The following LUZP2 variants were observed in gnomAD, a reference collection of about 807,000 sequenced individuals.
The protein encoded by LUZP2 is leucine zipper protein 2.
In LUZP2, 52 loss-of-function variants were observed where a neutral mutation model predicts 51.6. That is an observed-to-expected ratio of 1.01 (90% confidence interval 0.81 to 1.27). The LOEUF (loss-of-function observed/expected upper bound fraction) is 1.27. Ranked by LOEUF, LUZP2 falls within the 50% of genes most tolerant of loss-of-function variation. The pLI, the probability that LUZP2 is intolerant of heterozygous loss-of-function variation, is 0.00. For missense variants in LUZP2, 436 were observed against 395.4 expected (o/e 1.10, Z -0.87); for synonymous variants, 154 against 137.3 (o/e 1.12, Z -0.85).
At position 25,055,060 on chromosome 11, in the gene LUZP2, G is replaced by C. The variant is rs182177578; in HGVS notation, c.858+4930G>C. Among the ~76,000 whole-genome samples the C allele has an allele frequency of 3.5e-3, 495 of 141,516 alleles. 6 individuals are homozygous for C. The highest frequency in any genetic ancestry group is 0.012 in the African/African-American group (464 of 37,562). The allele number at this position is 141,516 out of a possible 152,430, so 92.8% of individuals were successfully genotyped here. A position where few individuals can be genotyped will look rare whatever the true frequency, so the allele number is the denominator to read the frequency against. On this transcript the variant is annotated intron_variant, in intron 10 of 11. Transcript: ENST00000336930. ...GGAGTCTCGCTGTGTCACCAGGCTG[G>C]AGTGCCCTGGCGCGATCTCGGCTCA...
intron 1 of LUZP2, among the ~76,000 whole-genome samples, chr11:24,579,338 A>G (rs768631887): frequency 4.4e-4 from 67 of 152,102 alleles, no homozygotes; most frequent in Non-Finnish European, 6.9e-4. Context: ...CTATTTTGAA[A>G]CTTCAAGACT....
At chr11:24,569,672 T>C (rs1852364330) in intron 1 of LUZP2, among the ~76,000 whole-genome samples, 1 of 129,752 alleles carries the variant, frequency 7.7e-6, no homozygotes, top group Admixed American at 8.6e-5. Flanking sequence ...ACTTATTTTC[T>C]TTTTCTAATT....
At chr11:24,902,386 T>C (rs1853306921) in intron 5 of LUZP2, among the ~76,000 whole-genome samples, 1 of 152,160 alleles carries the variant, frequency 6.6e-6, no homozygotes, top group Non-Finnish European at 1.5e-5. Context: ...AATATTCTAA[T>C]AAAGACTCTG....
chr11:25,061,676 T>A (rs1858842190), intron 10 of LUZP2, among the ~76,000 whole-genome samples: 1 of 152,200 alleles, frequency 6.6e-6, no homozygotes, highest in Non-Finnish European at 1.5e-5. Flanking sequence ...CTACTCTTTG[T>A]ATTGTTTTAA....
intron 1 of LUZP2, among the ~76,000 whole-genome samples, chr11:24,598,113 A>C (rs2133856146): frequency 6.6e-6 from 1 of 152,080 alleles, no homozygotes; most frequent in Admixed American, 6.6e-5. Context: ...AAAAAAAAAA[A>C]AAAGAGAGAG....
At chr11:25,046,913 T>G (rs958866763) in intron 9 of LUZP2, among the ~76,000 whole-genome samples, 2 of 152,150 alleles carry the variant, frequency 1.3e-5, no homozygotes, top group African/African-American at 4.8e-5. Context: ...TTAATTTATG[T>G]GGATATTAAC....
intron 1 of LUZP2, among the ~76,000 whole-genome samples, chr11:24,664,991 T>C (rs967337190): frequency 2.6e-5 from 4 of 152,152 alleles, no homozygotes; most frequent in African/African-American, 7.2e-5. Context: ...GACCCCAGAA[T>C]GGTACATCCA....
At chr11:24,967,417 G>T (rs1238267388) in intron 7 of LUZP2, among the ~76,000 whole-genome samples, 4 of 151,810 alleles carry the variant, frequency 2.6e-5, no homozygotes, top group Non-Finnish European at 5.9e-5. Flanking sequence ...CAACACAAAT[G>T]TTTTTAACAT....
At chr11:24,925,684 T>C (rs1208874744) in intron 7 of LUZP2, among the ~76,000 whole-genome samples, 1 of 152,096 alleles carries the variant, frequency 6.6e-6, no homozygotes, top group Non-Finnish European at 1.5e-5. Context: ...ATTCTTCAAA[T>C]AGAATGACTA....
intron 5 of LUZP2, among the ~76,000 whole-genome samples, chr11:24,865,628 A>T (rs560476427): frequency 6.6e-6 from 1 of 151,784 alleles, no homozygotes; most frequent in Non-Finnish European, 1.5e-5. Context: ...TATCCCTCAG[A>T]TGGTTATTTG....
At chr11:24,498,009 A>G (rs1849880608) in intron 1 of LUZP2, among the ~76,000 whole-genome samples, 2 of 152,322 alleles carry the variant, frequency 1.3e-5, no homozygotes, top group South Asian at 4.1e-4. Flanking sequence ...AAGCCCCATT[A>G]CAGAGGAGCT....
chr11:24,595,737 A>G (rs1017664529), intron 1 of LUZP2, among the ~76,000 whole-genome samples: 13 of 152,258 alleles, frequency 8.5e-5, no homozygotes, highest in Admixed American at 5.2e-4. Flanking sequence ...AGGACTGTAA[A>G]ACAGCTTACT....
chr11:24,561,466 C>G (rs1852038462), intron 1 of LUZP2, among the ~76,000 whole-genome samples: 1 of 152,058 alleles, frequency 6.6e-6, no homozygotes, highest in Admixed American at 6.6e-5. Flanking sequence ...AATTCAAACT[C>G]TGCTCCTTTT....
At chr11:24,688,849 C>T (rs1856977187) in intron 1 of LUZP2, among the ~76,000 whole-genome samples, 1 of 152,074 alleles carries the variant, frequency 6.6e-6, no homozygotes, top group Non-Finnish European at 1.5e-5. Context: ...TTTATACAAC[C>T]TGAGGTAGGC....
intron 1 of LUZP2, among the ~76,000 whole-genome samples, chr11:24,658,548 T>C (rs1414041549): frequency 1.3e-5 from 2 of 152,034 alleles, no homozygotes; most frequent in East Asian, 1.9e-4. Context: ...CCAAAAGCAA[T>C]GGCAACAAAA....
At chr11:25,030,909 TATA>T in intron 9 of LUZP2, among the ~76,000 whole-genome samples, 2 of 28,982 alleles carry the variant, frequency 6.9e-5, no homozygotes, top group African/African-American at 4.9e-4. Flanking sequence ...ATATATAATA[TATA>T]TTGTATTATA....
intron 5 of LUZP2, among the ~76,000 whole-genome samples, chr11:24,872,514 A>C (rs1338867959): frequency 6.6e-6 from 1 of 152,140 alleles, no homozygotes; most frequent in Non-Finnish European, 1.5e-5. Flanking sequence ...CATATTTAAA[A>C]TGTTAATTAC....
chr11:24,642,932 A>G (rs1362279458), intron 1 of LUZP2, among the ~76,000 whole-genome samples: 1 of 152,164 alleles, frequency 6.6e-6, no homozygotes, highest in African/African-American at 2.4e-5. Context: ...CTGAATTAGC[A>G]GGATTGTTGC....
At chr11:24,888,536 T>G (rs550158553) in intron 5 of LUZP2, among the ~76,000 whole-genome samples, 39 of 152,270 alleles carry the variant, frequency 2.6e-4, no homozygotes, top group Non-Finnish European at 4.6e-4. Flanking sequence ...TCCTCTGACT[T>G]AAATTCAGGT....
Sources: allele counts gnomAD v4.1 joint callset (sites outside exome capture counted in the v4.1 genomes callset), GRCh38; gene constraint gnomAD v4.1.1; transcripts MANE v1.5; gene names NCBI Gene and HGNC (gene_info 2026-07-23, HGNC 2026-07-21).